The following DLG5 variants were observed in gnomAD, a reference collection of about 807,000 sequenced individuals.
DLG5 encodes the protein discs large MAGUK scaffold protein 5, also known as disks large homolog 5.
Under a neutral mutation model 189.8 loss-of-function variants are expected in DLG5, and 48 were observed. The ratio of observed to expected loss-of-function variants is 0.25; its 90% CI spans 0.20 to 0.32. DLG5 has a LOEUF of 0.32. DLG5 is among the 10% of genes least tolerant of loss of function. DLG5 has a pLI of 1.00. For missense variants in DLG5, 2,160 were observed against 2,544.7 expected (o/e 0.85, Z 3.25); for synonymous variants, 1,016 against 1,054.1 (o/e 0.96, Z 0.70).
intron 1 of DLG5, among the ~76,000 whole-genome samples, chr10:77,905,129 CAA>C (rs796601165): frequency 2.8e-5 from 2 of 72,504 alleles, no homozygotes; most frequent in African/African-American, 1.1e-4. Context: ...GACTTCATCT[CAA>C]AAAAAAAAAA....
chr10:77,924,009 C>T (rs1232920479), intron 1 of DLG5, among the ~76,000 whole-genome samples: 6 of 152,002 alleles, frequency 3.9e-5, no homozygotes, highest in African/African-American at 7.2e-5. Context: ...GGACTACAGG[C>T]GCCCACAACC....
rs1205699804 is a variant in DLG5 at position 77,819,341 on chromosome 10, G to T, written c.3651C>A (p.Gly1217=). The change falls in exon 17 of 32, where the codon GGC becomes GGA. Residue 1217 remains glycine, a synonymous_variant. Coordinates refer to ENST00000372391, the MANE Select transcript of DLG5 (RefSeq NM_004747.4). ...CATACCTGGGATGCAAACCCTGGGG[G>T]CCAGCATCTCGGGCCGCAGGTGGAG... ...CSSPPAARDA[G]PQGLHPSVQH... 6.2e-7 allele frequency: 1 copy of T among 1,614,064 alleles called. No homozygotes were observed. The highest frequency in any genetic ancestry group is 8.5e-7 in the Non-Finnish European group (1 of 1,180,014).
At chr10:77,922,728 G>A (rs1846572331) in intron 1 of DLG5, among the ~76,000 whole-genome samples, 1 of 152,124 alleles carries the variant, frequency 6.6e-6, no homozygotes. Context: ...GGCTGCCACA[G>A]AGTTAATGAG....
chr10:77,860,361 G>A (rs924196854), intron 2 of DLG5, among the ~76,000 whole-genome samples: 6 of 152,134 alleles, frequency 3.9e-5, no homozygotes, highest in African/African-American at 1.4e-4. Context: ...GCAGTGGCGC[G>A]ATCTCGGCTC....
rs1156234848 is a variant in DLG5 at position 77,851,680 on chromosome 10, G to A, written c.864+1674C>T. The stretch of plus-strand genomic sequence containing the variant: ...TATATCCATCTTAGGGTCTCTTGCT[G>A]AGCCTGCCCTGGTTACTCCACATAA... On this transcript the variant is annotated intron_variant, in intron 5 of 31. Transcript: ENST00000372391. Among the ~76,000 whole-genome samples, 3 of 152,318 alleles carry A rather than the reference G, an allele frequency of 2.0e-5. No individual in the cohort carries two copies. In the East Asian group the frequency reaches 5.8e-4, roughly 29 times the overall value.
chr10:77,796,152 C>A lies in DLG5; in HGVS notation c.5345G>T (p.Gly1782Val). ...MKASQQAIER[G>V]VKDCLFVDYK... ...GTCGACAAACAGGCAATCTTTGACA[C>A]CCCGCTCAATGGCCTGCTGGGAGGC... Residue 1782 changes from glycine (G) to valine (V), a missense_variant, in exon 29 of 32, where the codon GGT (glycine) becomes GTT (valine). Coordinates refer to ENST00000372391, the MANE Select transcript of DLG5 (RefSeq NM_004747.4). The surrounding 1 kb of genome is among the most constrained non-coding windows in gnomAD (Gnocchi z 5.2). 6.2e-7 allele frequency: 1 copy of A among 1,614,212 alleles called. No homozygotes were observed. The highest frequency in any genetic ancestry group is 8.5e-7 in the Non-Finnish European group (1 of 1,180,046).
At chr10:77,868,165 C>A in intron 2 of DLG5, 2 of 448,788 alleles carry the variant, frequency 4.5e-6, no homozygotes. Context: ...GTGTAAGCCA[C>A]CTGGTCTGCG....
At chr10:77,876,712 A>AGGGAGGGAGGGAGGGAGGGAGGGAGGGG in intron 1 of DLG5, among the ~76,000 whole-genome samples, 1 of 37,776 alleles carries the variant, frequency 2.6e-5, no homozygotes, top group Non-Finnish European at 4.9e-5. Context: ...GAAGGAAGGG[A>AGGGAGGGAGGGAGGGAGGGAGGGAGGGG]GGGAGGGAGG....
At chr10:77,800,290 C>G (rs1251913039) in intron 27 of DLG5, among the ~76,000 whole-genome samples, 3 of 152,180 alleles carry the variant, frequency 2.0e-5, no homozygotes, top group Non-Finnish European at 2.9e-5. Flanking sequence ...TGAGAAATAT[C>G]TTTTTGAAGG....
intron 20 of DLG5, among the ~76,000 whole-genome samples, chr10:77,815,211 T>C (rs559368192): frequency 5.9e-5 from 9 of 152,370 alleles, no homozygotes; most frequent in Admixed American, 5.2e-4. Context: ...AGCATGCTCC[T>C]GCGCGTGCCA....
chr10:77,873,013 ATGTG>A (rs112644933), intron 1 of DLG5, among the ~76,000 whole-genome samples: 2 of 124,870 alleles, frequency 1.6e-5, no homozygotes, highest in African/African-American at 6.7e-5. Context: ...CAGCCTCCTG[ATGTG>A]TGTGTGTGTG....
At chr10:77,872,310 T>C (rs2154577148) in intron 1 of DLG5, among the ~76,000 whole-genome samples, 1 of 152,354 alleles carries the variant, frequency 6.6e-6, no homozygotes, top group Middle Eastern at 3.4e-3. Context: ...CCACTGTTAA[T>C]TAAGCTTGGC....
chr10:77,829,123 C>G lies in DLG5; in HGVS notation c.2186-138G>C, dbSNP rs375510829. On this transcript the variant is annotated intron_variant, in intron 12 of 31. Coordinates refer to ENST00000372391, the MANE Select transcript of DLG5 (RefSeq NM_004747.4). Reference sequence around the variant, plus strand: ...GCCCTGTCTACGCCTGCACCCTGCCCCAGTCCCACCAATCGGGGGCTCAGT... The same window carrying G: ...GCCCTGTCTACGCCTGCACCCTGCCGCAGTCCCACCAATCGGGGGCTCAGT... 7.1e-5 allele frequency: 74 copies of G among 1,038,612 alleles called. 4 individuals carry two copies. The highest frequency in any genetic ancestry group is 5.2e-4 in the East Asian group (20 of 38,646). 64.3% of individuals were successfully genotyped at this position (1,038,612 alleles called of 1,614,324 possible). A position where few individuals can be genotyped will look rare whatever the true frequency, so the allele number is the denominator to read the frequency against.
chr10:77,836,401 T>A (rs1843137122), intron 7 of DLG5, among the ~76,000 whole-genome samples: 2 of 152,046 alleles, frequency 1.3e-5, no homozygotes, highest in Admixed American at 1.3e-4. Context: ...ACTGCAAGAA[T>A]AACTCCTCCT....
chr10:77,876,752 A>G (rs1285903295), intron 1 of DLG5, among the ~76,000 whole-genome samples: 2 of 148,110 alleles, frequency 1.4e-5, no homozygotes, highest in African/African-American at 4.9e-5. Flanking sequence ...AGGAAGGAAA[A>G]AAAAAAAGTA....
Position 77,824,463 on chromosome 10 carries a change from G to A in DLG5, c.2303C>T (p.Ala768Val). The A allele has an allele frequency of 1.9e-6, 3 of 1,613,846 alleles. No homozygotes were observed. The highest frequency in any genetic ancestry group is 2.5e-6 in the Non-Finnish European group (3 of 1,179,900). ...GDRIVAINGIALDNKSLNECE... is the reference protein window; with the variant it reads ...GDRIVAINGIVLDNKSLNECE... ...TTCATTCAGAGACTTGTTGTCCAGT[G>A]CAATGCCATTGATCTAGAGCAGGAC... The change falls in exon 14 of 32, where the codon GCA (alanine) becomes GTA (valine). Residue 768 changes from alanine (A) to valine (V), a missense_variant. By Grantham distance (64) the Ala-to-Val change is moderately conservative. Around this residue, in one of 5 missense-constraint regions of DLG5, gnomAD observed 107 missense variants for 214.5 expected, o/e 0.50. Coordinates refer to ENST00000372391, the MANE Select transcript of DLG5 (RefSeq NM_004747.4).
intron 7 of DLG5, among the ~76,000 whole-genome samples, chr10:77,838,760 G>A (rs946018689): frequency 1.3e-5 from 2 of 152,238 alleles, no homozygotes; most frequent in Non-Finnish European, 1.5e-5. Context: ...GCTGACCCCT[G>A]ACAGGCAGCA....
chr10:77,807,675 G>A (rs751290841), intron 25 of DLG5, 121 bp downstream of exon 25: 5 of 1,183,726 alleles, frequency 4.2e-6, no homozygotes, highest in Non-Finnish European at 6.0e-6. Flanking sequence ...GTCAAGGAAT[G>A]ATGATCATGG....
intron 5 of DLG5, among the ~76,000 whole-genome samples, chr10:77,847,549 T>C (rs191781438): frequency 6.6e-6 from 1 of 152,180 alleles, no homozygotes; most frequent in African/African-American, 2.4e-5. Flanking sequence ...AACCAGGTCA[T>C]GGTTAACTCC....
Sources: gnomAD v4.1 joint callset for allele counts (sites outside exome capture counted in the v4.1 genomes callset) on GRCh38, gnomAD v4.1.1 for gene constraint, gnomAD v4.1.1 regional missense constraint, Gnocchi (gnomAD v3.1) non-coding constraint, MANE v1.5 for transcripts, NCBI Gene and HGNC (gene_info 2026-07-23, HGNC 2026-07-21) for gene names.